The following NCAM1 variants were observed in gnomAD, a reference collection of about 807,000 sequenced individuals.
The protein encoded by NCAM1 is antigen recognized by monoclonal antibody 5.1H11.
In NCAM1, 14 loss-of-function variants were observed where a neutral mutation model predicts 109.8. The observed-to-expected ratio is 0.13, with a 90% CI of 0.08 to 0.20. The LOEUF (loss-of-function observed/expected upper bound fraction) is 0.20, where lower values mean the gene tolerates loss of function less well. Ranked by LOEUF, NCAM1 falls within the 10% of genes least tolerant of loss-of-function variation. The probability of loss-of-function intolerance (pLI) is 1.00; values close to 1 mark genes in which losing one functional copy is unlikely to be tolerated. For synonymous variants in NCAM1, 418 were observed against 442.9 expected, an observed-to-expected ratio of 0.94 and a Z score of 0.70; for missense variants, 774 against 1,109.9, an observed-to-expected ratio of 0.70 and a Z score of 4.30.
chr11:113,079,468 C>T (rs1555086769), intron 1 of NCAM1, among the ~76,000 whole-genome samples: 3 of 152,108 alleles, frequency 2.0e-5, no homozygotes, highest in African/African-American at 7.2e-5. Context: ...GGGTATGTCC[C>T]AATACTTATA....
At chr11:112,997,580 T>G (rs1473834682) in intron 1 of NCAM1, among the ~76,000 whole-genome samples, 1 of 152,144 alleles carries the variant, frequency 6.6e-6, no homozygotes, top group Non-Finnish European at 1.5e-5. Flanking sequence ...TTTTCCTGAA[T>G]AGTATGATTT....
intron 1 of NCAM1, among the ~76,000 whole-genome samples, chr11:113,099,447 G>A (rs766916148): frequency 2.0e-5 from 3 of 152,176 alleles, no homozygotes; most frequent in East Asian, 1.9e-4. Flanking sequence ...TCTCACATTC[G>A]CCATATGCTT....
At chr11:113,242,950 C>G (rs1375226675) in intron 14 of NCAM1, 2 of 1,595,590 alleles carry the variant, frequency 1.3e-6, no homozygotes, top group African/African-American at 2.7e-5. Context: ...TTATTAAAAG[C>G]AACAGTTGTG....
intron 9 of NCAM1, chr11:113,231,346 A>C (rs1320851357): frequency 4.0e-6 from 6 of 1,504,248 alleles, no homozygotes; most frequent in Non-Finnish European, 5.4e-6. Flanking sequence ...CATCCCAAAC[A>C]AAGTCATCTT....
chr11:113,227,610 C>G (rs1350294462), intron 9 of NCAM1, among the ~76,000 whole-genome samples: 2 of 152,172 alleles, frequency 1.3e-5, no homozygotes, highest in Non-Finnish European at 2.9e-5. Context: ...GATACCAAAG[C>G]CTGGCAGAGA....
chr11:112,971,463 G>A (rs1370617987), intron 1 of NCAM1, among the ~76,000 whole-genome samples: 1 of 152,054 alleles, frequency 6.6e-6, no homozygotes, highest in Non-Finnish European at 1.5e-5. Flanking sequence ...AGGAAGAAAT[G>A]ACAGCAAAGT....
intron 18 of NCAM1, 127 bp downstream of exon 18, chr11:113,270,522 C>A: frequency 1.2e-6 from 1 of 845,370 alleles, no homozygotes. Context: ...ATTTGGAACC[C>A]TGATGGGGGA....
intron 1 of NCAM1, among the ~76,000 whole-genome samples, chr11:113,010,100 A>G (rs1952009697): frequency 6.6e-6 from 1 of 152,126 alleles, no homozygotes; most frequent in South Asian, 2.1e-4. Context: ...CCAATTTCAT[A>G]TTTTCTGAAA....
chr11:113,095,768 A>G (rs1939567384), intron 1 of NCAM1, among the ~76,000 whole-genome samples: 1 of 152,218 alleles, frequency 6.6e-6, no homozygotes, highest in Non-Finnish European at 1.5e-5. Flanking sequence ...AGCCAGTTGG[A>G]TTAGCCTTGT....
chr11:113,190,353 G>A (rs1943639923), intron 1 of NCAM1, among the ~76,000 whole-genome samples: 3 of 152,202 alleles, frequency 2.0e-5, no homozygotes, highest in Admixed American at 2.0e-4. Context: ...AACTGAGAAG[G>A]AGAAAGTAAT....
rs138020023 is a variant in NCAM1, at chr11:113,151,590, C to A, written c.53-50789C>A. Among the ~76,000 whole-genome samples the A allele has an allele frequency of 3.9e-5, 6 of 152,328 alleles. No homozygotes were observed. The East Asian group carries it at 1.2e-3, about 29-fold the overall frequency. On this transcript the variant is annotated intron_variant, in intron 1 of 19. Coordinates refer to ENST00000316851, the MANE Select transcript of NCAM1 (RefSeq NM_181351.5). ...CTGATTGGTGCACACATTCTGAGAG[C>A]CCAGCATTCCACTCACTATTGCATG...
intron 1 of NCAM1, among the ~76,000 whole-genome samples, chr11:113,173,351 G>A (rs982704945): frequency 6.6e-6 from 1 of 151,724 alleles, no homozygotes; most frequent in Non-Finnish European, 1.5e-5. Flanking sequence ...GTAAACCTGG[G>A]GTCTAATTTG....
intron 1 of NCAM1, among the ~76,000 whole-genome samples, chr11:112,992,610 C>T (rs1474569935): frequency 6.6e-6 from 1 of 151,276 alleles, no homozygotes; most frequent in African/African-American, 2.4e-5. Context: ...GCACCATTCT[C>T]CTGCCTCAGC....
rs1414358886 is a variant in NCAM1 at position 112,962,634 on chromosome 11, C to G, written c.52+970C>G. Reference sequence around the variant, plus strand: ...ACAGTAGTGATGCTGCCGCGGGTGGCGGGGGTTGCGCCGCCGCCCAGAGAA... The same window carrying G: ...ACAGTAGTGATGCTGCCGCGGGTGGGGGGGGTTGCGCCGCCGCCCAGAGAA... On this transcript the variant is annotated intron_variant, in intron 1 of 19. Coordinates refer to ENST00000316851, the MANE Select transcript of NCAM1 (RefSeq NM_181351.5). This position sits in a 1 kb window ranked among gnomAD's most constrained non-coding sequence, Gnocchi z 5.6. Among the ~76,000 whole-genome samples, 5 of 152,080 alleles carry G rather than the reference C, an allele frequency of 3.3e-5. No homozygotes were observed. Among genetic ancestry groups the G allele is most frequent in the Non-Finnish European group, 5.9e-5 (4 of 67,998 alleles).
intron 1 of NCAM1, among the ~76,000 whole-genome samples, chr11:113,009,659 T>C (rs1951993483): frequency 6.6e-6 from 1 of 152,140 alleles, no homozygotes; most frequent in South Asian, 2.1e-4. Context: ...AGGACTCATC[T>C]CTAAACTCCA....
intron 1 of NCAM1, among the ~76,000 whole-genome samples, chr11:113,172,875 T>C (rs970972197): frequency 6.6e-6 from 1 of 152,220 alleles, no homozygotes; most frequent in Non-Finnish European, 1.5e-5. Flanking sequence ...ATTTGCAAAT[T>C]TGAGCCTGGC....
intron 1 of NCAM1, among the ~76,000 whole-genome samples, chr11:113,195,572 G>A (rs1231019371): frequency 7.0e-6 from 1 of 142,106 alleles, no homozygotes; most frequent in African/African-American, 2.7e-5. Flanking sequence ...GCGCGATCTC[G>A]GCTCACTGCA....
At chr11:113,240,500 ATTTGT>A in intron 14 of NCAM1, 1 of 457,154 alleles carries the variant, frequency 2.2e-6, no homozygotes, top group Non-Finnish European at 3.9e-6. Context: ...TGAACTGGAT[ATTTGT>A]TTTCAGTCAA....
At chr11:113,096,057 C>T (rs1207414532) in intron 1 of NCAM1, among the ~76,000 whole-genome samples, 6 of 152,098 alleles carry the variant, frequency 3.9e-5, no homozygotes, top group Non-Finnish European at 8.8e-5. Flanking sequence ...CTGTCAGGCT[C>T]TGAAGGAGGT....
Sources: allele counts gnomAD v4.1 joint callset (sites outside exome capture counted in the v4.1 genomes callset), GRCh38; gene constraint gnomAD v4.1.1; non-coding constraint Gnocchi (gnomAD v3.1); transcripts MANE v1.5; gene names NCBI Gene and HGNC (gene_info 2026-07-23, HGNC 2026-07-21).